GRIK2: variants seen among roughly 807,000 people sequenced by gnomAD.
The protein encoded by GRIK2 is glutamate receptor ionotropic, kainate 2.
A neutral mutation model predicts 100.3 loss-of-function variants in GRIK2; 32 were observed. The ratio of observed to expected loss-of-function variants is 0.32; its 90% confidence interval spans 0.24 to 0.43. The LOEUF (loss-of-function observed/expected upper bound fraction) is 0.43. Ranked by LOEUF, GRIK2 falls within the 20% of genes least tolerant of loss-of-function variation. The pLI, the probability that GRIK2 is intolerant of heterozygous loss-of-function variation, is 1.00. For missense variants in GRIK2, 843 were observed against 1,114.9 expected (o/e 0.76, Z 3.47); for synonymous variants, 417 against 389.4 (o/e 1.07, Z -0.83).
intron 2 of GRIK2, among the ~76,000 whole-genome samples, chr6:101,533,626 T>C (rs766068931): frequency 1.3e-5 from 2 of 151,874 alleles, no homozygotes; most frequent in Non-Finnish European, 2.9e-5. Flanking sequence ...TTGATGTAGC[T>C]GAGATGTCAT....
rs1170354207 is a variant in GRIK2, at chr6:101,760,644, A to ATGTTTAATTATG, written c.952-39003_952-39002insGTTTAATTATGT. On this transcript the variant is annotated intron_variant, in intron 7 of 16. Coordinates refer to ENST00000369134, the MANE Select transcript of GRIK2 (RefSeq NM_021956.5). Reference sequence around the variant, plus strand: ...TATATGTTTAATTATATATAATTATATATAATTATATGTTTAATTATATAT... The same window carrying ATGTTTAATTATG: ...TATATGTTTAATTATATATAATTATATGTTTAATTATGTATAATTATATGTTTAATTATATAT... 3.0e-3 allele frequency among the ~76,000 whole-genome samples: 355 copies of ATGTTTAATTATG among 117,310 alleles called. 29 individuals carry two copies. The highest frequency in any genetic ancestry group is 0.011 in the African/African-American group (334 of 31,096). 77.0% of individuals were successfully genotyped at this position (117,310 alleles called of 152,430 possible).
chr6:101,534,871 T>A (rs981771255), intron 2 of GRIK2, among the ~76,000 whole-genome samples: 1 of 151,790 alleles, frequency 6.6e-6, no homozygotes, highest in African/African-American at 2.4e-5. Context: ...CCTCTTTTTT[T>A]TTCTTACTCT....
chr6:101,784,226 T>A (rs1354208314), intron 7 of GRIK2, among the ~76,000 whole-genome samples: 1 of 152,230 alleles, frequency 6.6e-6, no homozygotes, highest in Non-Finnish European at 1.5e-5. Flanking sequence ...CCCAGGGCCC[T>A]GCTACTCTAT....
chr6:101,616,064 A>G (rs1418056320), intron 2 of GRIK2, among the ~76,000 whole-genome samples: 1 of 151,542 alleles, frequency 6.6e-6, no homozygotes, highest in Non-Finnish European at 1.5e-5. Context: ...CATGCTTTGG[A>G]TTTGATCCTC....
intron 14 of GRIK2, among the ~76,000 whole-genome samples, chr6:101,953,660 C>A (rs972419906): frequency 2.6e-5 from 4 of 152,104 alleles, no homozygotes; most frequent in African/African-American, 9.7e-5. Flanking sequence ...ATAGAAATCC[C>A]TCATCAGAAA....
chr6:102,043,806 G>T (rs1770729613), intron 15 of GRIK2, among the ~76,000 whole-genome samples: 1 of 66,490 alleles, frequency 1.5e-5, no homozygotes. Context: ...TCCCATGATG[G>T]TTGCACTAAT....
At chr6:102,051,970 G>T (rs565266072) in intron 15 of GRIK2, among the ~76,000 whole-genome samples, 1 of 152,270 alleles carries the variant, frequency 6.6e-6, no homozygotes, top group South Asian at 2.1e-4. Context: ...ACAGATTCAT[G>T]TGGGAGTTTG....
chr6:102,036,587 G>C (rs1473652104), intron 15 of GRIK2, among the ~76,000 whole-genome samples: 1 of 150,922 alleles, frequency 6.6e-6, no homozygotes, highest in Admixed American at 6.7e-5. Flanking sequence ...AGTAGAGAGA[G>C]GGAGAGAGAA....
chr6:101,659,317 C>G (rs1029856612), intron 4 of GRIK2, among the ~76,000 whole-genome samples: 3 of 152,024 alleles, frequency 2.0e-5, no homozygotes, highest in African/African-American at 4.8e-5. Context: ...CAGATAGTTG[C>G]TTGCAGATGT....
chr6:101,859,187 AAT>A, intron 10 of GRIK2, 98 bp from the exon 11 acceptor site: 1 of 628,628 alleles, frequency 1.6e-6, no homozygotes, highest in South Asian at 2.1e-5. Flanking sequence ...TGTTGTCCTA[AAT>A]TAATGAGAAA....
At chr6:101,914,724 G>C (rs1332267465) in intron 12 of GRIK2, among the ~76,000 whole-genome samples, 1 of 151,390 alleles carries the variant, frequency 6.6e-6, no homozygotes, top group African/African-American at 2.4e-5. Context: ...CTTATCAAAT[G>C]GGATTATGAG....
At chr6:101,830,936 G>A (rs1193238036) in intron 10 of GRIK2, among the ~76,000 whole-genome samples, 2 of 151,756 alleles carry the variant, frequency 1.3e-5, no homozygotes, top group Non-Finnish European at 2.9e-5. Context: ...GAAACAAGAT[G>A]GGAACAATAG....
intron 14 of GRIK2, among the ~76,000 whole-genome samples, chr6:101,950,712 T>G (rs1791557923): frequency 6.6e-6 from 1 of 152,178 alleles, no homozygotes; most frequent in African/African-American, 2.4e-5. Context: ...TTCTTTATGT[T>G]TTTTTATTTT....
At chr6:102,062,980 A>C (rs1771829807) in intron 16 of GRIK2, among the ~76,000 whole-genome samples, 1 of 150,678 alleles carries the variant, frequency 6.6e-6, no homozygotes, top group Admixed American at 6.6e-5. Context: ...TTTCCACTAC[A>C]TGTGACTTAC....
chr6:101,800,965 C>A (rs937323569), intron 8 of GRIK2, among the ~76,000 whole-genome samples: 4 of 152,022 alleles, frequency 2.6e-5, no homozygotes, highest in Non-Finnish European at 5.9e-5. Context: ...CTTATGAGGA[C>A]CAACAGGAGA....
chr6:101,933,600 T>A (rs776980042), intron 14 of GRIK2, among the ~76,000 whole-genome samples: 18 of 152,006 alleles, frequency 1.2e-4, no homozygotes, highest in Non-Finnish European at 2.1e-4. Flanking sequence ...TTGATTATTA[T>A]CTGCTATGTG....
intron 15 of GRIK2, among the ~76,000 whole-genome samples, chr6:102,037,684 A>AT (rs980411137): frequency 3.3e-5 from 5 of 151,296 alleles, no homozygotes; most frequent in Admixed American, 6.6e-5. Flanking sequence ...GCTGAGAAAC[A>AT]TTTTTTTACT....
chr6:101,665,937 G>T (rs1769997789), intron 4 of GRIK2, among the ~76,000 whole-genome samples: 1 of 152,102 alleles, frequency 6.6e-6, no homozygotes, highest in Non-Finnish European at 1.5e-5. Context: ...TGGAGAACTA[G>T]TTTGGGAATA....
At chr6:101,750,545 T>G (rs1776721556) in intron 7 of GRIK2, among the ~76,000 whole-genome samples, 1 of 152,244 alleles carries the variant, frequency 6.6e-6, no homozygotes, top group African/African-American at 2.4e-5. Context: ...GCTAGCTGAT[T>G]AATGGCAGAC....
Sources: allele counts gnomAD v4.1 joint callset (sites outside exome capture counted in the v4.1 genomes callset), GRCh38; gene constraint gnomAD v4.1.1; transcripts MANE v1.5; gene names NCBI Gene and HGNC (gene_info 2026-07-23, HGNC 2026-07-21).